The following TRAPPC9 variants were observed in gnomAD, a reference collection of about 807,000 sequenced individuals.
TRAPPC9 encodes the protein trafficking protein particle complex subunit 9.
A neutral mutation model predicts 124.0 loss-of-function variants in TRAPPC9; 83 were observed. That is an observed-to-expected ratio of 0.67 (90% CI 0.56 to 0.80). The LOEUF (loss-of-function observed/expected upper bound fraction) is 0.80. TRAPPC9 is among the 30% of genes least tolerant of loss of function. The pLI is 0.00. For synonymous variants in TRAPPC9, 638 were observed against 617.5 expected, an observed-to-expected ratio of 1.03 and a Z score of -0.49; for missense variants, 1,302 against 1,508.3, an observed-to-expected ratio of 0.86 and a Z score of 2.27.
At chr8:140,056,651 C>CA (rs1563727186) in intron 17 of TRAPPC9, among the ~76,000 whole-genome samples, 1 of 151,884 alleles carries the variant, frequency 6.6e-6, no homozygotes, top group Non-Finnish European at 1.5e-5. Context: ...ATACCATACA[C>CA]AAAAAGAAAC....
intron 17 of TRAPPC9, among the ~76,000 whole-genome samples, chr8:140,152,060 T>C (rs962489758): frequency 2.6e-5 from 4 of 152,116 alleles, no homozygotes; most frequent in Admixed American, 2.6e-4. Flanking sequence ...GACCTTGGGC[T>C]GGTTATTTCC....
chr8:139,986,772 C>T (rs2665947), intron 19 of TRAPPC9, among the ~76,000 whole-genome samples: 96,068 of 152,100 alleles, frequency 0.63, 34,555 homozygotes, highest in East Asian at 0.89. Context: ...CGAGTTTTGA[C>T]GAATAGATAC....
At chr8:140,290,460 CA>C (rs1554661984) in intron 12 of TRAPPC9, among the ~76,000 whole-genome samples, 4 of 152,190 alleles carry the variant, frequency 2.6e-5, no homozygotes, top group Non-Finnish European at 5.9e-5. Context: ...ATTGGGTAAG[CA>C]TTTCCAACAG....
In TRAPPC9 at chr8:139,788,590, C is replaced by T. The variant is rs946658751; in HGVS notation, c.3056-56388G>A. On this transcript the variant is annotated intron_variant, in intron 21 of 22. Coordinates refer to ENST00000438773, the MANE Select transcript of TRAPPC9 (RefSeq NM_001160372.4). This position sits in a 1 kb window ranked among gnomAD's most constrained non-coding sequence, Gnocchi z 4.9. ...GGCATGGAGGTCCGTGGCCACTCCA[C>T]GACAGCCCATGAAGAACGGTACCCA... is the stretch of plus-strand genomic sequence containing the variant. 4.6e-5 allele frequency among the ~76,000 whole-genome samples: 7 copies of T among 152,196 alleles called. No individual in the cohort carries two copies. The highest frequency in any genetic ancestry group is 1.4e-4 in the African/African-American group (6 of 41,458).
rs1467031703 is a variant in TRAPPC9, at chr8:139,890,665, C to T, written c.2965-4696G>A. ...TTGTCTCCCTCAGGGACTGAGCACTCCTGGAAACATCTGTTCTCATAACCC... is the reference window on the plus strand; with the variant it reads ...TTGTCTCCCTCAGGGACTGAGCACTTCTGGAAACATCTGTTCTCATAACCC... On this transcript the variant is annotated intron_variant, in intron 20 of 22. Coordinates refer to ENST00000438773, the MANE Select transcript of TRAPPC9 (RefSeq NM_001160372.4). Among the ~76,000 whole-genome samples, 8 of 152,104 alleles carry T rather than the reference C, an allele frequency of 5.3e-5. No individual in the cohort carries two copies. In the East Asian group the frequency reaches 1.5e-3, roughly 29 times the overall value.
intron 9 of TRAPPC9, among the ~76,000 whole-genome samples, chr8:140,347,260 G>A (rs530960737): frequency 6.6e-5 from 10 of 152,050 alleles, no homozygotes; most frequent in East Asian, 1.9e-4. Context: ...CTTCACATCC[G>A]CCTTCCCTTC....
intron 17 of TRAPPC9, among the ~76,000 whole-genome samples, chr8:140,188,120 GAGA>G (rs2062393008): frequency 6.6e-6 from 1 of 152,230 alleles, no homozygotes; most frequent in African/African-American, 2.4e-5. Flanking sequence ...GAGATCATGG[GAGA>G]AGGAGAAGCT....
chr8:139,772,175 C>T lies in TRAPPC9; in HGVS notation c.3056-39973G>A, dbSNP rs111768816. ...TGATCATTAAGCCAAACGGCCCACA[C>T]GTGTGCACATGTGCTTACACGCATG... is the stretch of plus-strand genomic sequence containing the variant. On this transcript the variant is annotated intron_variant, in intron 21 of 22. Coordinates refer to ENST00000438773, the MANE Select transcript of TRAPPC9 (RefSeq NM_001160372.4). Among the ~76,000 whole-genome samples, 193 of 152,348 alleles carry T rather than the reference C, an allele frequency of 1.3e-3. 1 individual carries two copies. The highest frequency in any genetic ancestry group is 4.4e-3 in the African/African-American group (182 of 41,588).
intron 9 of TRAPPC9, among the ~76,000 whole-genome samples, chr8:140,341,469 C>T (rs1358575194): frequency 6.6e-6 from 1 of 152,138 alleles, no homozygotes; most frequent in East Asian, 1.9e-4. Flanking sequence ...CCTTCAAGTA[C>T]ATAAGTGAAC....
chr8:140,048,313 C>T (rs1841752858), intron 17 of TRAPPC9, among the ~76,000 whole-genome samples: 1 of 152,162 alleles, frequency 6.6e-6, no homozygotes, highest in Non-Finnish European at 1.5e-5. Context: ...AATGACTCCA[C>T]CTTGTACAGG....
At chr8:140,248,291 C>T (rs2064035169) in intron 16 of TRAPPC9, among the ~76,000 whole-genome samples, 1 of 152,248 alleles carries the variant, frequency 6.6e-6, no homozygotes, top group African/African-American at 2.4e-5. Context: ...CACCTCTGTT[C>T]CCAGCAGCTT....
At chr8:140,365,373 T>A (rs536188099) in intron 8 of TRAPPC9, among the ~76,000 whole-genome samples, 1 of 152,170 alleles carries the variant, frequency 6.6e-6, no homozygotes, top group Non-Finnish European at 1.5e-5. Flanking sequence ...GTCCCTCACA[T>A]GGCACGTGGA....
chr8:139,786,036 G>A (rs376125407), intron 21 of TRAPPC9, among the ~76,000 whole-genome samples: 12 of 151,636 alleles, frequency 7.9e-5, no homozygotes, highest in East Asian at 5.9e-4. Flanking sequence ...GTGAAACCCC[G>A]TCTCTATTAA....
chr8:139,962,993 G>A (rs1835437512), intron 19 of TRAPPC9, among the ~76,000 whole-genome samples: 1 of 152,172 alleles, frequency 6.6e-6, no homozygotes, highest in South Asian at 2.1e-4. Flanking sequence ...TGACCCCCAG[G>A]AGTGGAAAAT....
At chr8:140,125,392 C>T (rs553256047) in intron 17 of TRAPPC9, among the ~76,000 whole-genome samples, 2 of 152,196 alleles carry the variant, frequency 1.3e-5, no homozygotes, top group African/African-American at 2.4e-5. Context: ...AGCAGGGGCA[C>T]GCAGACCACG....
chr8:140,382,274 G>A (rs2068630863), intron 7 of TRAPPC9, among the ~76,000 whole-genome samples: 1 of 152,210 alleles, frequency 6.6e-6, no homozygotes, highest in Non-Finnish European at 1.5e-5. Flanking sequence ...TTTCACTGGG[G>A]CTTGTTGGAC....
chr8:139,853,385 G>A lies in TRAPPC9; in HGVS notation c.3055+32494C>T, dbSNP rs181335804. ...GGAAAGAGCCAGAAACTGTATCCCCGCGCCCATGGTACCTATGACTCCCCC... is the reference window on the plus strand; with the variant it reads ...GGAAAGAGCCAGAAACTGTATCCCCACGCCCATGGTACCTATGACTCCCCC... On this transcript the variant is annotated intron_variant, in intron 21 of 22. Transcript: ENST00000438773. 1.7e-3 allele frequency among the ~76,000 whole-genome samples: 265 copies of A among 152,192 alleles called. 3 individuals carry two copies. The highest frequency in any genetic ancestry group is 6.2e-3 in the African/African-American group (258 of 41,532).
chr8:140,103,379 G>A (rs918801106), intron 17 of TRAPPC9, among the ~76,000 whole-genome samples: 4 of 152,208 alleles, frequency 2.6e-5, no homozygotes, highest in African/African-American at 9.7e-5. Context: ...ACGTGAGGCA[G>A]CGCCTCTCAT....
At chr8:140,335,532 T>C (rs547308216) in intron 9 of TRAPPC9, among the ~76,000 whole-genome samples, 2 of 152,120 alleles carry the variant, frequency 1.3e-5, no homozygotes, top group African/African-American at 4.8e-5. Flanking sequence ...GCTGAGGATA[T>C]GGTAACCGCA....
Sources: allele counts gnomAD v4.1 joint callset (sites outside exome capture counted in the v4.1 genomes callset), GRCh38; gene constraint gnomAD v4.1.1; non-coding constraint Gnocchi (gnomAD v3.1); transcripts MANE v1.5; gene names NCBI Gene and HGNC (gene_info 2026-07-23, HGNC 2026-07-21).